ALOX5: variants seen among roughly 807,000 people sequenced by gnomAD.
The protein encoded by ALOX5 is arachidonate 5-lipoxygenase.
A neutral mutation model predicts 87.9 loss-of-function variants in ALOX5; 64 were observed. The observed-to-expected ratio is 0.73, with a 90% CI of 0.60 to 0.90. The LOEUF (loss-of-function observed/expected upper bound fraction) is 0.90. Among genes scored for constraint, ALOX5 ranks in the 40% least tolerant of loss-of-function variants. The pLI, the probability that ALOX5 is intolerant of heterozygous loss-of-function variation, is 0.00. For synonymous variants in ALOX5, 388 were observed against 355.1 expected (o/e 1.09, Z -1.04); for missense variants, 822 against 907.5 (o/e 0.91, Z 1.21).
At chr10:45,420,788 G>A (rs111339241) in intron 4 of ALOX5, among the ~76,000 whole-genome samples, 5,313 of 152,370 alleles carry the variant, frequency 0.035, 121 homozygotes, top group South Asian at 0.095. Flanking sequence ...TGGAAAAGCT[G>A]GTAGCAGAAG....
intron 1 of ALOX5, among the ~76,000 whole-genome samples, chr10:45,378,621 G>A (rs1028995129): frequency 6.6e-6 from 1 of 152,172 alleles, no homozygotes; most frequent in Non-Finnish European, 1.5e-5. Flanking sequence ...CAAACCTTCC[G>A]AAGATATTTT....
intron 1 of ALOX5, among the ~76,000 whole-genome samples, chr10:45,378,230 A>G (rs1244850343): frequency 6.6e-6 from 1 of 151,900 alleles, no homozygotes; most frequent in Non-Finnish European, 1.5e-5. Context: ...TTGCCCCTTT[A>G]CACTCCATCC....
chr10:45,395,928 A>G lies in ALOX5; in HGVS notation c.423A>G (p.Lys141=), dbSNP rs190455427. ...GTAAAGAACTGGAAACACGGCAAAA[A>G]CAATATCGGTGAGTTATGACATCAG... ...HRRKELETRQ[K]QYRWMEWNPG... is the part of the protein sequence containing the mutation. Residue 141 remains lysine (K), a synonymous_variant, in exon 3 of 14, where the codon AAA becomes AAG. Transcript: ENST00000374391. The G allele has an allele frequency of 1.2e-5, 20 of 1,614,216 alleles. No homozygotes were observed. Among genetic ancestry groups the G allele is most frequent in the Middle Eastern group, 3.3e-4 (2 of 6,062 alleles).
chr10:45,402,552 G>T (rs1034151137), intron 3 of ALOX5, among the ~76,000 whole-genome samples: 2 of 152,330 alleles, frequency 1.3e-5, no homozygotes, highest in Middle Eastern at 3.4e-3. Context: ...GCTTGGGGTT[G>T]ATTAGACTTA....
chr10:45,391,163 C>T (rs1450375752), intron 2 of ALOX5, among the ~76,000 whole-genome samples: 1 of 150,652 alleles, frequency 6.6e-6, no homozygotes, highest in Non-Finnish European at 1.5e-5. Context: ...GACTGTACTG[C>T]TGCCATCTCG....
chr10:45,379,441 C>T (rs982832597), intron 1 of ALOX5, among the ~76,000 whole-genome samples: 1 of 152,234 alleles, frequency 6.6e-6, no homozygotes, highest in Non-Finnish European at 1.5e-5. Flanking sequence ...CCCACTCTCC[C>T]TCTGTCCTCA....
At chr10:45,431,571 A>C (rs1841903593) in intron 7 of ALOX5, among the ~76,000 whole-genome samples, 1 of 146,078 alleles carries the variant, frequency 6.8e-6, no homozygotes, top group Non-Finnish European at 1.5e-5. Context: ...TTATTTATTT[A>C]TTTATTTATT....
rs1467605884 is a variant in ALOX5, at chr10:45,395,887, C to T, written c.382C>T (p.Leu128Phe). 6.2e-7 allele frequency: 1 copy of T among 1,614,244 alleles called. No individual in the cohort carries two copies. ...GGCCCGAGATGACCAAATTCACATT[C>T]TCAAGCAACACCGACGTAAAGAACT... ...KLARDDQIHI[L>F]KQHRRKELET... Residue 128 changes from leucine (L) to phenylalanine (F), a missense_variant, in exon 3 of 14, where the codon CTC becomes TTC. Leu to Phe is a conservative substitution (Grantham distance 22). Transcript: ENST00000374391.
At chr10:45,391,227 C>T (rs1225201039) in intron 2 of ALOX5, among the ~76,000 whole-genome samples, 6 of 152,024 alleles carry the variant, frequency 3.9e-5, no homozygotes, top group African/African-American at 7.2e-5. Context: ...CGAGTGCCTG[C>T]GATTGCAGGT....
intron 3 of ALOX5, among the ~76,000 whole-genome samples, chr10:45,403,463 G>A (rs950128103): frequency 6.6e-6 from 1 of 152,150 alleles, no homozygotes; most frequent in African/African-American, 2.4e-5. Context: ...GTCATTACCG[G>A]GGATGGAAGG....
At chr10:45,379,384 C>G (rs1222552373) in intron 1 of ALOX5, among the ~76,000 whole-genome samples, 1 of 152,208 alleles carries the variant, frequency 6.6e-6, no homozygotes, top group Non-Finnish European at 1.5e-5. Context: ...TCAGTCCTCA[C>G]CGCACACAGA....
At position 45,445,521 on chromosome 10, in the gene ALOX5, T is replaced by G; in HGVS notation, c.1859T>G (p.Met620Arg). The change falls in exon 14 of 14, where the codon ATG becomes AGG. Residue 620 changes from methionine (M) to arginine (R), a missense_variant. Met to Arg is a moderately conservative substitution (Grantham distance 91). Coordinates refer to ENST00000374391, the MANE Select transcript of ALOX5 (RefSeq NM_000698.5). ...CTGGGCCCTCAGCTGTTCCTGGGCA[T>G]GTACCCAGAAGAGCATTTTATCGAG... ...QFQENELFLG[M>R]YPEEHFIEKP... is the part of the protein sequence containing the mutation. 1 of 1,613,738 alleles carries G rather than the reference T, an allele frequency of 6.2e-7. No individual in the cohort carries two copies. The highest frequency in any genetic ancestry group is 1.1e-5 in the South Asian group (1 of 91,072).
rs1458003454 is a variant in ALOX5 at position 45,443,474 on chromosome 10, C to G, written c.1510C>G (p.Pro504Ala). The G allele has an allele frequency of 1.2e-6, 2 of 1,613,034 alleles. No individual in the cohort carries two copies. Among genetic ancestry groups the G allele is most frequent in the Non-Finnish European group, 1.7e-6 (2 of 1,179,534 alleles). Residue 504 changes from proline (P) to alanine (A), a missense_variant, in exon 11 of 14, where the codon CCG becomes GCG. Coordinates refer to ENST00000374391, the MANE Select transcript of ALOX5 (RefSeq NM_000698.5). ...YEGDQVVEED[P>A]ELQDFVNDVY... ...GGGCGACCAGGTGGTGGAGGAGGAC[C>G]CGGAGCTGCAGGACTTCGTGAACGA...
chr10:45,397,584 T>C (rs1840558131), intron 3 of ALOX5, among the ~76,000 whole-genome samples: 1 of 152,042 alleles, frequency 6.6e-6, no homozygotes, highest in Non-Finnish European at 1.5e-5. Context: ...AATTTACAAA[T>C]AACATGATCT....
intron 1 of ALOX5, among the ~76,000 whole-genome samples, chr10:45,380,890 CGA>C (rs1186064975): frequency 2.6e-5 from 4 of 152,146 alleles, no homozygotes; most frequent in Non-Finnish European, 5.9e-5. Context: ...TGCAGTGAGC[CGA>C]GATCGAGCCA....
chr10:45,424,885 G>A (rs1841640808), intron 5 of ALOX5, 75 bp from the exon 6 acceptor site: 4 of 1,561,582 alleles, frequency 2.6e-6, no homozygotes, highest in South Asian at 2.4e-5. Flanking sequence ...CTGCTCTTAG[G>A]TGAGGTCAGG....
At chr10:45,374,518 G>C in intron 1 of ALOX5, 89 bp downstream of exon 1, 2 of 1,247,906 alleles carry the variant, frequency 1.6e-6, no homozygotes, top group Middle Eastern at 2.2e-4. Context: ...GGGGCGCCGA[G>C]GGCCCGTCGG....
chr10:45,412,096 G>T, intron 3 of ALOX5, 95 bp from the exon 4 acceptor site: 17 of 1,546,240 alleles, frequency 1.1e-5, no homozygotes, highest in Non-Finnish European at 1.4e-5. Context: ...CAATCTCCCT[G>T]TGTAACATCG....
intron 4 of ALOX5, among the ~76,000 whole-genome samples, chr10:45,423,378 G>A (rs377728967): frequency 1.7e-4 from 26 of 152,340 alleles, no homozygotes; most frequent in African/African-American, 4.6e-4. Flanking sequence ...CTCCTGTCCT[G>A]CACTCTGCAG....
Sources: gnomAD v4.1 joint callset for allele counts (sites outside exome capture counted in the v4.1 genomes callset) on GRCh38, gnomAD v4.1.1 for gene constraint, MANE v1.5 for transcripts, NCBI Gene and HGNC (gene_info 2026-07-23, HGNC 2026-07-21) for gene names.